Variants in B4GALT1 observed in about 807,000 individuals in gnomAD.
B4GALT1 encodes N-acetyllactosamine synthase.
A neutral mutation model predicts 34.9 loss-of-function variants in B4GALT1; 16 were observed. The ratio of observed to expected loss-of-function variants is 0.46; its 90% CI spans 0.31 to 0.70. The LOEUF (loss-of-function observed/expected upper bound fraction) is 0.70, where lower values mean the gene tolerates loss of function less well. Among genes scored for constraint, B4GALT1 ranks in the 30% least tolerant of loss-of-function variants. B4GALT1 has a pLI of 0.05. For missense variants in B4GALT1, 445 were observed against 530.5 expected, an observed-to-expected ratio of 0.84 and a Z score of 1.58; for synonymous variants, 221 against 218.1, an observed-to-expected ratio of 1.01 and a Z score of -0.12.
chr9:33,119,547 T>C (rs1473014119), intron 3 of B4GALT1, among the ~76,000 whole-genome samples: 3 of 152,126 alleles, frequency 2.0e-5, no homozygotes, highest in African/African-American at 4.8e-5. Context: ...CCAGACCTCA[T>C]CTCCACTAAA....
chr9:33,175,148 A>C, the B4GALT1 span, among the ~76,000 whole-genome samples: 2 of 148,098 alleles, frequency 1.4e-5, no homozygotes, highest in African/African-American at 5.0e-5. Context: ...CCCTGTCTCT[A>C]TGAAAAATTT....
chr9:33,156,142 G>A (rs745493645), intron 1 of B4GALT1, among the ~76,000 whole-genome samples: 5 of 151,282 alleles, frequency 3.3e-5, no homozygotes, highest in Non-Finnish European at 5.9e-5. Context: ...TTCGGGGGGC[G>A]GGGGAGGTGG....
At chr9:33,106,536 A>C (rs1839797882), downstream of B4GALT1, among the ~76,000 whole-genome samples, 1 of 152,214 alleles carries the variant, frequency 6.6e-6, no homozygotes, top group African/African-American at 2.4e-5. Flanking sequence ...GAGACAAAGA[A>C]GCACTTCTGA....
At chr9:33,162,020 T>C (rs1840682305) in intron 1 of B4GALT1, among the ~76,000 whole-genome samples, 1 of 152,212 alleles carries the variant, frequency 6.6e-6, no homozygotes, top group South Asian at 2.1e-4. Context: ...AAGCTTGGAC[T>C]GCCTTGCTAT....
intron 3 of B4GALT1, among the ~76,000 whole-genome samples, chr9:33,119,726 C>G (rs1041412635): frequency 2.6e-5 from 4 of 151,826 alleles, no homozygotes; most frequent in African/African-American, 9.7e-5. Context: ...AAAAACAAAA[C>G]AAAACAGGCC....
At chr9:33,137,309 T>C (rs1235592149) in intron 1 of B4GALT1, among the ~76,000 whole-genome samples, 2 of 152,214 alleles carry the variant, frequency 1.3e-5, no homozygotes, top group East Asian at 1.9e-4. Flanking sequence ...AACTTTCGCA[T>C]TGAGAGATAG....
At chr9:33,124,672 T>G (rs1325472428) in intron 2 of B4GALT1, among the ~76,000 whole-genome samples, 2 of 152,224 alleles carry the variant, frequency 1.3e-5, no homozygotes, top group Non-Finnish European at 2.9e-5. Flanking sequence ...TGTTGGCTAC[T>G]ATCATTACAG....
chr9:33,154,031 AAGGG>A (rs35884423), intron 1 of B4GALT1, among the ~76,000 whole-genome samples: 13,951 of 69,994 alleles, frequency 0.2, 1,749 homozygotes, highest in African/African-American at 0.27. Context: ...GGAAGGAAGG[AAGGG>A]AGGGAGGGAG....
intron 2 of B4GALT1, among the ~76,000 whole-genome samples, chr9:33,126,391 A>G (rs911870541): frequency 6.6e-6 from 1 of 152,162 alleles, no homozygotes; most frequent in Non-Finnish European, 1.5e-5. Flanking sequence ...AGGGCTAATA[A>G]TATCTACTCA....
At position 33,135,890 on chromosome 9, in the gene B4GALT1, A is replaced by AGTGTGTGTGTGTGTGTGT. The variant is rs112875696; in HGVS notation, c.413-484_413-467dup. Among the ~76,000 whole-genome samples the AGTGTGTGTGTGTGTGTGT allele has an allele frequency of 3.4e-4, 35 of 104,154 alleles. 1 individual carries two copies. Among genetic ancestry groups the AGTGTGTGTGTGTGTGTGT allele is most frequent in the African/African-American group, 1.1e-3 (32 of 30,146 alleles). The allele number at this position is 104,154 out of a possible 152,430, so 68.3% of individuals were successfully genotyped here. A position where few individuals can be genotyped will look rare whatever the true frequency, so the allele number is the denominator to read the frequency against. On this transcript the variant is annotated intron_variant, in intron 1 of 5. Transcript: ENST00000379731. The stretch of plus-strand genomic sequence containing the variant: ...TCTCTGATTCTAGCCTAACTGGGGA[A>AGTGTGTGTGTGTGTGTGT]GTGTGTGTGTGTGTGTGTGTATGTG...
At chr9:33,155,439 T>A (rs1840581908) in intron 1 of B4GALT1, among the ~76,000 whole-genome samples, 1 of 152,222 alleles carries the variant, frequency 6.6e-6, no homozygotes, top group African/African-American at 2.4e-5. Flanking sequence ...ATGCTCCCTC[T>A]TCAGCTCCTC....
chr9:33,184,305 G>C, the B4GALT1 span, among the ~76,000 whole-genome samples: 1 of 145,848 alleles, frequency 6.9e-6, no homozygotes, highest in South Asian at 2.2e-4. Context: ...TAGGATGTAT[G>C]TAGGGTTCAA....
At chr9:33,125,557 TC>T (rs1164312321) in intron 2 of B4GALT1, among the ~76,000 whole-genome samples, 1 of 151,978 alleles carries the variant, frequency 6.6e-6, no homozygotes, top group African/African-American at 2.4e-5. Flanking sequence ...AGACAGTGCC[TC>T]CCCCAAGGGC....
chr9:33,146,245 T>C (rs183525510), intron 1 of B4GALT1, among the ~76,000 whole-genome samples: 1 of 152,178 alleles, frequency 6.6e-6, no homozygotes, highest in Non-Finnish European at 1.5e-5. Context: ...CTGGAAAGTG[T>C]GGAAACTGTG....
chr9:33,165,291 C>T (rs532298729), intron 1 of B4GALT1, among the ~76,000 whole-genome samples: 3 of 146,852 alleles, frequency 2.0e-5, no homozygotes, highest in Admixed American at 1.4e-4. Flanking sequence ...TTAATGTACA[C>T]GATCTCATTT....
chr9:33,127,464 T>C (rs1445722288), intron 2 of B4GALT1, among the ~76,000 whole-genome samples: 1 of 152,178 alleles, frequency 6.6e-6, no homozygotes, highest in Non-Finnish European at 1.5e-5. Context: ...AATTTGGCCA[T>C]CTGTATTAAG....
chr9:33,152,476 C>T (rs1840534117), intron 1 of B4GALT1, among the ~76,000 whole-genome samples: 1 of 148,452 alleles, frequency 6.7e-6, no homozygotes, highest in Non-Finnish European at 1.5e-5. Flanking sequence ...ATATAAAAAG[C>T]TCCTGCAAAC....
In B4GALT1 at chr9:33,112,440, T is replaced by C. The variant is rs41274017; in HGVS notation, c.*1014A>G. On this transcript the variant is annotated 3_prime_UTR_variant, in exon 6 of 6. Transcript: ENST00000379731. ...ATAATGCTGACCGGGAGGCCTTACC[T>C]GCCAAGGGGCCAGAGGGTGATTTTG... 0.041 allele frequency: 6,199 copies of C among 152,690 alleles called. 176 individuals carry two copies. The highest frequency in any genetic ancestry group is 0.065 in the Non-Finnish European group (4,422 of 68,014). 9.5% of individuals were successfully genotyped at this position (152,690 alleles called of 1,614,324 possible). A position where few individuals can be genotyped will look rare whatever the true frequency, so the allele number is the denominator to read the frequency against.
rs1840771031 is a variant in B4GALT1 at position 33,167,025 on chromosome 9, GGCTCAGGTC to G, written c.136_144del (p.Asp46_Ser48del). Reference sequence around the variant, plus strand: ...GAGACTCCGACCAGTTGGGGCAGGCGGCTCAGGTCGCGGCCAGCCAGGTAGTAAACGAGG... The same window carrying G: ...GAGACTCCGACCAGTTGGGGCAGGCGGCGGCCAGCCAGGTAGTAAACGAGG... On this transcript the variant is annotated inframe_deletion, in exon 1 of 6. Transcript: ENST00000379731. The G allele has an allele frequency of 6.3e-7, 1 of 1,598,608 alleles. No individual in the cohort carries two copies. The highest frequency in any genetic ancestry group is 1.3e-5 in the African/African-American group (1 of 74,872).
Sources: gnomAD v4.1 joint callset for allele counts (sites outside exome capture counted in the v4.1 genomes callset) on GRCh38, gnomAD v4.1.1 for gene constraint, MANE v1.5 for transcripts, NCBI Gene and HGNC (gene_info 2026-07-23, HGNC 2026-07-21) for gene names.